Variants in AGAP1 observed in about 807,000 individuals in gnomAD.
The protein encoded by AGAP1 is ArfGAP with GTPase domain, ankyrin repeat and PH domain 1.
A neutral mutation model predicts 105.3 loss-of-function variants in AGAP1; 29 were observed. That is an observed-to-expected ratio of 0.28 (90% confidence interval 0.21 to 0.38). AGAP1 has a LOEUF of 0.38. Ranked by LOEUF, AGAP1 falls within the 10% of genes least tolerant of loss-of-function variation. The probability of loss-of-function intolerance (pLI) is 1.00; values close to 1 mark genes in which losing one functional copy is unlikely to be tolerated. For synonymous variants in AGAP1, 509 were observed against 485.9 expected, an observed-to-expected ratio of 1.05 and a Z score of -0.63; for missense variants, 998 against 1,165.1, an observed-to-expected ratio of 0.86 and a Z score of 2.09.
chr2:235,889,061 G>A lies in AGAP1; in HGVS notation c.1155+5612G>A, dbSNP rs1171419262. Among the ~76,000 whole-genome samples, 1 of 152,272 alleles carries A rather than the reference G, an allele frequency of 6.6e-6. No individual in the cohort carries two copies. Among genetic ancestry groups the A allele is most frequent in the East Asian group, 1.9e-4 (1 of 5,184 alleles). On this transcript the variant is annotated intron_variant, in intron 10 of 17. Transcript: ENST00000304032. This position sits in a 1 kb window ranked among gnomAD's most constrained non-coding sequence, Gnocchi z 4.6. ...GTTTGCTTATTGCACAAGTGTCCAC[G>A]GAAGTGTTTGTGTGAAAGATCGATC... is the stretch of plus-strand genomic sequence containing the variant.
intron 6 of AGAP1, among the ~76,000 whole-genome samples, chr2:235,780,579 G>A (rs888660936): frequency 7.2e-5 from 11 of 152,152 alleles, no homozygotes; most frequent in African/African-American, 1.9e-4. Flanking sequence ...CTGTGGCAAG[G>A]TATGTTTATA....
chr2:235,921,444 C>G (rs1277289772), intron 11 of AGAP1, among the ~76,000 whole-genome samples: 2 of 152,046 alleles, frequency 1.3e-5, no homozygotes, highest in Non-Finnish European at 2.9e-5. Context: ...TGTACTTTTG[C>G]CAAGTATATT....
intron 11 of AGAP1, among the ~76,000 whole-genome samples, chr2:235,920,139 G>A (rs1207097471): frequency 6.6e-6 from 1 of 152,176 alleles, no homozygotes; most frequent in Non-Finnish European, 1.5e-5. Flanking sequence ...CATTGCAACT[G>A]GGTCTGGATT....
At chr2:235,838,619 A>G (rs1197167612) in intron 9 of AGAP1, among the ~76,000 whole-genome samples, 1 of 152,252 alleles carries the variant, frequency 6.6e-6, no homozygotes, top group Admixed American at 6.5e-5. Flanking sequence ...AGTGAGATAC[A>G]GTCTACACTT....
chr2:236,107,319 A>C (rs1265274046), intron 16 of AGAP1, among the ~76,000 whole-genome samples: 2 of 151,946 alleles, frequency 1.3e-5, no homozygotes, highest in Non-Finnish European at 1.5e-5. Flanking sequence ...ACATCTAGAC[A>C]CCAAACAGAC....
rs931651063 is a variant in AGAP1 at position 236,073,404 on chromosome 2, A to C, written c.2114+24123A>C. 6.6e-6 allele frequency among the ~76,000 whole-genome samples: 1 copy of C among 152,186 alleles called. No homozygotes were observed. Among genetic ancestry groups the C allele is most frequent in the Non-Finnish European group, 1.5e-5 (1 of 68,032 alleles). On this transcript the variant is annotated intron_variant, in intron 16 of 17. Transcript: ENST00000304032. The surrounding 1 kb of genome is among the most constrained non-coding windows in gnomAD (Gnocchi z 5.4). ...AGCATCTGATGGCCACATGTGGCCC[A>C]TGTTTGGCAATCATGGGTCTAGATA...
At position 235,577,160 on chromosome 2, in the gene AGAP1, G is replaced by GA. The variant is rs1171126784; in HGVS notation, c.163+82317dup. ...TTAAAGTTTTCTACTAGCTACATTA[G>GA]AAAAAATAAAAGAAACAGATGAAAT... is the stretch of plus-strand genomic sequence containing the variant. On this transcript the variant is annotated intron_variant, in intron 1 of 17. Transcript: ENST00000304032. This position sits in a 1 kb window ranked among gnomAD's most constrained non-coding sequence, Gnocchi z 4.5. Among the ~76,000 whole-genome samples, 3 of 152,116 alleles carry GA rather than the reference G, an allele frequency of 2.0e-5. No individual in the cohort carries two copies. The highest frequency in any genetic ancestry group is 4.4e-5 in the Non-Finnish European group (3 of 68,014).
chr2:235,578,926 G>T lies in AGAP1; in HGVS notation c.163+84077G>T, dbSNP rs542012241. 2.0e-5 allele frequency among the ~76,000 whole-genome samples: 3 copies of T among 152,130 alleles called. No homozygotes were observed. The highest frequency in any genetic ancestry group is 7.2e-5 in the African/African-American group (3 of 41,506). ...TGTCCCTCTAGCTGTCAGTCACACA[G>T]ACGGATATAGATATGTAATTTGAAT... On this transcript the variant is annotated intron_variant, in intron 1 of 17. Coordinates refer to ENST00000304032, the MANE Select transcript of AGAP1 (RefSeq NM_001037131.3). The surrounding 1 kb of genome is among the most constrained non-coding windows in gnomAD (Gnocchi z 4.9).
In AGAP1 at chr2:235,962,283, C is replaced by G. The variant is rs1575899864; in HGVS notation, c.1484-6179C>G. Among the ~76,000 whole-genome samples the G allele has an allele frequency of 1.3e-5, 2 of 152,050 alleles. No homozygotes were observed. Among genetic ancestry groups the G allele is most frequent in the African/African-American group, 4.8e-5 (2 of 41,422 alleles). On this transcript the variant is annotated intron_variant, in intron 12 of 17. Coordinates refer to ENST00000304032, the MANE Select transcript of AGAP1 (RefSeq NM_001037131.3). This position sits in a 1 kb window ranked among gnomAD's most constrained non-coding sequence, Gnocchi z 5.3. The stretch of plus-strand genomic sequence containing the variant: ...AGGAGGCCGGTGTGCATGGCACCAC[C>G]CTCTCCCAGCCCTGGCCCATGACGG...
chr2:236,052,418 G>A (rs561572895), intron 16 of AGAP1, among the ~76,000 whole-genome samples: 28 of 152,228 alleles, frequency 1.8e-4, no homozygotes, highest in African/African-American at 5.3e-4. Flanking sequence ...TCACCTATTC[G>A]TGCGGCCAGT....
chr2:235,837,287 C>T (rs1316610121), intron 9 of AGAP1, among the ~76,000 whole-genome samples: 3 of 151,804 alleles, frequency 2.0e-5, no homozygotes, highest in Non-Finnish European at 4.4e-5. Flanking sequence ...ACCCAGCCTT[C>T]AAGGGTTTTT....
chr2:235,879,075 G>A lies in AGAP1; in HGVS notation c.1051-4270G>A, dbSNP rs2106604336. Reference sequence around the variant, plus strand: ...GGCAGCCCAGCAGCCCAGTGTCCTGGCAGGAGTGAAGACGGCAGGAGAGCT... The same window carrying A: ...GGCAGCCCAGCAGCCCAGTGTCCTGACAGGAGTGAAGACGGCAGGAGAGCT... On this transcript the variant is annotated intron_variant, in intron 9 of 17. Coordinates refer to ENST00000304032, the MANE Select transcript of AGAP1 (RefSeq NM_001037131.3). This position sits in a 1 kb window ranked among gnomAD's most constrained non-coding sequence, Gnocchi z 5.0. Among the ~76,000 whole-genome samples, 2 of 152,340 alleles carry A rather than the reference G, an allele frequency of 1.3e-5. No homozygotes were observed. The highest frequency in any genetic ancestry group is 3.9e-4 in the East Asian group (2 of 5,184).
chr2:236,065,395 G>A (rs941574783), intron 16 of AGAP1, among the ~76,000 whole-genome samples: 3 of 152,172 alleles, frequency 2.0e-5, no homozygotes, highest in African/African-American at 2.4e-5. Flanking sequence ...AAATACACTC[G>A]CCCCGTGGGC....
At position 236,083,774 on chromosome 2, in the gene AGAP1, G is replaced by A. The variant is rs2058849280; in HGVS notation, c.2114+34493G>A. On this transcript the variant is annotated intron_variant, in intron 16 of 17. Coordinates refer to ENST00000304032, the MANE Select transcript of AGAP1 (RefSeq NM_001037131.3). The surrounding 1 kb of genome is among the most constrained non-coding windows in gnomAD (Gnocchi z 5.3). ...CAGAAGGATAAATGGATGAACAGGTGTTTTAGGAGCCACAATAAACCATCG... is the reference window on the plus strand; with the variant it reads ...CAGAAGGATAAATGGATGAACAGGTATTTTAGGAGCCACAATAAACCATCG... 6.6e-6 allele frequency among the ~76,000 whole-genome samples: 1 copy of A among 152,106 alleles called. No homozygotes were observed. The highest frequency in any genetic ancestry group is 2.1e-4 in the South Asian group (1 of 4,828).
chr2:235,703,687 C>T (rs1387319723), intron 1 of AGAP1, among the ~76,000 whole-genome samples: 3 of 151,934 alleles, frequency 2.0e-5, no homozygotes, highest in African/African-American at 7.3e-5. Flanking sequence ...CAACCTCCGC[C>T]TCCTGGGTCA....
intron 6 of AGAP1, among the ~76,000 whole-genome samples, chr2:235,771,923 T>C (rs1955481583): frequency 6.6e-6 from 1 of 152,132 alleles, no homozygotes; most frequent in Admixed American, 6.5e-5. Flanking sequence ...ATAACTGTTC[T>C]GTTTAGAAAA....
In AGAP1 at chr2:235,734,399, T is replaced by G. The variant is rs939249746; in HGVS notation, c.311-6564T>G. 6.6e-6 allele frequency among the ~76,000 whole-genome samples: 1 copy of G among 151,872 alleles called. No homozygotes were observed. Among genetic ancestry groups the G allele is most frequent in the Non-Finnish European group, 1.5e-5 (1 of 67,966 alleles). On this transcript the variant is annotated intron_variant, in intron 3 of 17. Transcript: ENST00000304032. The surrounding 1 kb of genome is among the most constrained non-coding windows in gnomAD (Gnocchi z 5.3). ...CTTGCATCTGCTGAAAGAACCGGGG[T>G]GGCCCCACTGCATCTTGATCAGACA...
chr2:236,040,370 G>A lies in AGAP1; in HGVS notation c.1801-381G>A, dbSNP rs562288280. Reference sequence around the variant, plus strand: ...AAGCCCTAACCCTGGGCTTATAAACGGATTATTTCTTTCTCATTCTTCTTA... The same window carrying A: ...AAGCCCTAACCCTGGGCTTATAAACAGATTATTTCTTTCTCATTCTTCTTA... On this transcript the variant is annotated intron_variant, in intron 14 of 17. Transcript: ENST00000304032. This position sits in a 1 kb window ranked among gnomAD's most constrained non-coding sequence, Gnocchi z 5.6. Among the ~76,000 whole-genome samples the A allele has an allele frequency of 1.3e-5, 2 of 151,998 alleles. No individual in the cohort carries two copies. The highest frequency in any genetic ancestry group is 1.9e-4 in the East Asian group (1 of 5,172).
At position 235,622,815 on chromosome 2, in the gene AGAP1, T is replaced by G. The variant is rs930610564; in HGVS notation, c.164-86364T>G. On this transcript the variant is annotated intron_variant, in intron 1 of 17. Coordinates refer to ENST00000304032, the MANE Select transcript of AGAP1 (RefSeq NM_001037131.3). This position sits in a 1 kb window ranked among gnomAD's most constrained non-coding sequence, Gnocchi z 5.0. ...AGTGAGACTTCAGGGCAGGCACACA[T>G]GTCGCTTCCTGCACCCACACTGGAC... 6.6e-6 allele frequency among the ~76,000 whole-genome samples: 1 copy of G among 152,082 alleles called. No homozygotes were observed. The highest frequency in any genetic ancestry group is 1.9e-4 in the East Asian group (1 of 5,178).
Sources: gnomAD v4.1 joint callset for allele counts (sites outside exome capture counted in the v4.1 genomes callset) on GRCh38, gnomAD v4.1.1 for gene constraint, Gnocchi (gnomAD v3.1) non-coding constraint, MANE v1.5 for transcripts, NCBI Gene and HGNC (gene_info 2026-07-23, HGNC 2026-07-21) for gene names.